ZNF717: variants seen among roughly 807,000 people sequenced by gnomAD.
The protein encoded by ZNF717 is zinc finger protein 717, also known as krueppel-like factor X17.
ZNF717 carries 9 observed loss-of-function variants against 13.8 expected under a neutral mutation model. The observed-to-expected ratio is 0.65, with a 90% CI of 0.39 to 1.14. The LOEUF is 1.14. ZNF717 is among the 50% of genes most tolerant of loss of function. The pLI is 0.01. For missense variants in ZNF717, 1,040 were observed against 1,080.7 expected (o/e 0.96, Z 0.53); for synonymous variants, 327 against 364.1 (o/e 0.90, Z 1.16).
chr3:75,780,894 G>T (rs1242726975), intron 2 of ZNF717, among the ~76,000 whole-genome samples: 24 of 152,354 alleles, frequency 1.6e-4, no homozygotes, highest in African/African-American at 5.8e-4. Context: ...TAAACAGGAC[G>T]TTCCAGCATA....
At chr3:75,769,774 G>A (rs146882696) in intron 2 of ZNF717, among the ~76,000 whole-genome samples, 274 of 152,288 alleles carry the variant, frequency 1.8e-3, no homozygotes, top group African/African-American at 5.9e-3. Flanking sequence ...TAAACACTTA[G>A]AACTGATGCA....
At chr3:75,713,509 G>A (rs1937986559) in intron 5 of ZNF717, among the ~76,000 whole-genome samples, 1 of 152,150 alleles carries the variant, frequency 6.6e-6, no homozygotes, top group African/African-American at 2.4e-5. Context: ...AACTTAGGAA[G>A]CAGGAAATCT....
chr3:75,697,443 T>C (rs1178607716), intron 6 of ZNF717, among the ~76,000 whole-genome samples: 2 of 152,308 alleles, frequency 1.3e-5, no homozygotes, highest in African/African-American at 4.8e-5. Flanking sequence ...ACTATCCTCA[T>C]AATAGTAAGT....
At position 75,714,857 on chromosome 3, in the gene ZNF717, T is replaced by A. The variant is rs1469019389; in HGVS notation, n.667+1562A>T. On this transcript the variant is annotated intron_variant and non_coding_transcript_variant, in intron 5 of 5. Transcript: ENST00000491507. ...TATCTAAACAGACTTTCTTAAGGGA[T>A]TTCTGAATCACTACACCAGATTTTA... 5.5e-3 allele frequency among the ~76,000 whole-genome samples: 841 copies of A among 152,352 alleles called. 3 individuals are homozygous for A. Among genetic ancestry groups the A allele is most frequent in the Middle Eastern group, 0.014 (4 of 294 alleles).
chr3:75,783,659 ATAATT>A (rs960185620), intron 1 of ZNF717, among the ~76,000 whole-genome samples: 1 of 152,248 alleles, frequency 6.6e-6, no homozygotes, highest in Non-Finnish European at 1.5e-5. Context: ...ATACAATCTA[ATAATT>A]TAATACAAAG....
At chr3:75,764,123 C>G (rs1943246451) in intron 2 of ZNF717, among the ~76,000 whole-genome samples, 1 of 152,228 alleles carries the variant, frequency 6.6e-6, no homozygotes, top group Non-Finnish European at 1.5e-5. Context: ...ATCAGGTCCT[C>G]TCTGTGCAGA....
rs1940018738 is a variant in ZNF717 at position 75,739,254 on chromosome 3, T to C, written c.369A>G (p.Ser123=). 2.6e-6 allele frequency: 4 copies of C among 1,538,162 alleles called. No homozygotes were observed. The change falls in exon 5 of 5, where the codon TCA becomes TCG. Residue 123 remains serine, a synonymous_variant. Coordinates refer to ENST00000652011, the MANE Select transcript of ZNF717 (RefSeq NM_001290208.3). ...WQIVITNSNT[S]TQERVELGKT... ...TTCCTAATTCAACTCTCTCCTGAGT[T>C]GATGTGTTGCTGTTGGTGATTACAA...
At chr3:75,709,509 A>G (rs1462824592), downstream of ZNF717, 37 of 152,358 alleles carry the variant, frequency 2.4e-4, no homozygotes, top group African/African-American at 8.7e-4. Flanking sequence ...TTTTCAAAGG[A>G]AACAATGAGG....
In ZNF717 at chr3:75,737,979, T is replaced by A. The variant is rs1939665434; in HGVS notation, c.1644A>T (p.Ser548=). 6.5e-7 allele frequency: 1 copy of A among 1,543,772 alleles called. No individual in the cohort carries two copies. The highest frequency in any genetic ancestry group is 8.7e-7 in the Non-Finnish European group (1 of 1,143,014). The change falls in exon 5 of 5, where the codon TCA becomes TCT. Residue 548 remains serine (S), a synonymous_variant. Transcript: ENST00000652011. ...GAGTTCTGTGATGTACTGTAAGGTA[T>A]GACTTGTGGCTATATGTTTTTCCAC... ...NECGKTYSHK[S]YLTVHHRTHT...
At chr3:75,745,408 G>A (rs1373414544) in intron 2 of ZNF717, among the ~76,000 whole-genome samples, 9 of 152,092 alleles carry the variant, frequency 5.9e-5, no homozygotes, top group East Asian at 3.9e-4. Flanking sequence ...GAAAAAGTAC[G>A]CATACATTGT....
At chr3:75,751,473 G>C (rs1022474635) in intron 2 of ZNF717, among the ~76,000 whole-genome samples, 1 of 150,330 alleles carries the variant, frequency 6.7e-6, no homozygotes, top group African/African-American at 2.5e-5. Context: ...CCTCACATAG[G>C]ATTCCAGAAC....
chr3:75,751,727 C>T (rs1575837651), intron 2 of ZNF717, among the ~76,000 whole-genome samples: 1 of 151,224 alleles, frequency 6.6e-6, no homozygotes. Flanking sequence ...CAGAACACTG[C>T]TGTTGGGTTC....
intron 2 of ZNF717, among the ~76,000 whole-genome samples, chr3:75,742,674 G>T (rs1288734927): frequency 2.0e-5 from 3 of 152,166 alleles, no homozygotes; most frequent in African/African-American, 7.2e-5. Context: ...AGTGATGAAA[G>T]CTAAATGCAA....
chr3:75,745,366 C>G (rs76767832), intron 2 of ZNF717, among the ~76,000 whole-genome samples: 1 of 151,848 alleles, frequency 6.6e-6, no homozygotes, highest in Non-Finnish European at 1.5e-5. Flanking sequence ...CATTCAGACC[C>G]CAGTAGCAGT....
At chr3:75,705,059 T>C (rs1197441159), downstream of ZNF717, among the ~76,000 whole-genome samples, 1 of 152,218 alleles carries the variant, frequency 6.6e-6, no homozygotes, top group Non-Finnish European at 1.5e-5. Flanking sequence ...ATGGAGAACA[T>C]AATTTTTCTT....
At chr3:75,774,153 AT>A (rs1209390636) in intron 2 of ZNF717, among the ~76,000 whole-genome samples, 1 of 152,188 alleles carries the variant, frequency 6.6e-6, no homozygotes, top group African/African-American at 2.4e-5. Flanking sequence ...ATATTAAAAA[AT>A]AATGAAAAAT....
chr3:75,714,653 A>C (rs941472234), intron 5 of ZNF717, among the ~76,000 whole-genome samples: 274 of 152,258 alleles, frequency 1.8e-3, no homozygotes, highest in African/African-American at 5.9e-3. Flanking sequence ...TTTCTAGAAG[A>C]GACAAATATA....
downstream of ZNF717, among the ~76,000 whole-genome samples, chr3:75,729,801 A>G (rs1344545325): frequency 6.6e-6 from 1 of 152,182 alleles, no homozygotes; most frequent in Non-Finnish European, 1.5e-5. Flanking sequence ...CAAAAGAAGG[A>G]GGCAGGTTTG....
At chr3:75,745,680 CT>C (rs1014299192) in intron 2 of ZNF717, among the ~76,000 whole-genome samples, 2 of 151,960 alleles carry the variant, frequency 1.3e-5, no homozygotes, top group African/African-American at 4.8e-5. Context: ...ATGAGATCAA[CT>C]TTTTTATATA....
Sources: allele counts gnomAD v4.1 joint callset (sites outside exome capture counted in the v4.1 genomes callset), GRCh38; gene constraint gnomAD v4.1.1; transcripts MANE v1.5; gene names NCBI Gene and HGNC (gene_info 2026-07-23, HGNC 2026-07-21).